Variants in DLG2 observed in about 807,000 individuals in gnomAD.
The protein encoded by DLG2 is disks large homolog 2.
In DLG2, 45 loss-of-function variants were observed where a neutral mutation model predicts 132.5. The ratio of observed to expected loss-of-function variants is 0.34; its 90% CI spans 0.27 to 0.44. The LOEUF is 0.44. Ranked by LOEUF, DLG2 falls within the 20% of genes least tolerant of loss-of-function variation. The pLI is 1.00. For synonymous variants in DLG2, 424 were observed against 419.6 expected, an observed-to-expected ratio of 1.01 and a Z score of -0.13; for missense variants, 1,045 against 1,196.9, an observed-to-expected ratio of 0.87 and a Z score of 1.87.
intron 7 of DLG2, among the ~76,000 whole-genome samples, chr11:84,314,645 C>A (rs1341922908): frequency 6.6e-6 from 1 of 151,816 alleles, no homozygotes; most frequent in Non-Finnish European, 1.5e-5. Context: ...GAAGAACAAG[C>A]TGATATACTC....
intron 6 of DLG2, among the ~76,000 whole-genome samples, chr11:84,570,173 G>A (rs958077357): frequency 1.3e-5 from 2 of 152,132 alleles, no homozygotes; most frequent in Non-Finnish European, 2.9e-5. Context: ...ATAACTCTCA[G>A]TCTCTAAATA....
chr11:84,355,968 T>C (rs188587008), intron 7 of DLG2, among the ~76,000 whole-genome samples: 44 of 152,202 alleles, frequency 2.9e-4, no homozygotes, highest in African/African-American at 1.1e-3. Context: ...GAAAACTAGA[T>C]TGTCAATACT....
intron 6 of DLG2, among the ~76,000 whole-genome samples, chr11:85,002,152 A>C (rs184392650): frequency 6.6e-6 from 1 of 152,124 alleles, no homozygotes; most frequent in South Asian, 2.1e-4. Flanking sequence ...CCTGGGATAC[A>C]CAGGTGTGAT....
In DLG2 at chr11:85,535,724, A is replaced by C. The variant is rs115580998; in HGVS notation, c.40+62933T>G. Among the ~76,000 whole-genome samples the C allele has an allele frequency of 4.3e-3, 649 of 152,354 alleles. 4 individuals carry two copies. The highest frequency in any genetic ancestry group is 0.015 in the African/African-American group (635 of 41,586). On this transcript the variant is annotated intron_variant, in intron 3 of 27. Coordinates refer to ENST00000376104, the MANE Select transcript of DLG2 (RefSeq NM_001142699.3). ...TTATTCAAAATAGCCAAAATACGGG[A>C]ATAACCCAAATATCCAACAATCAAC...
At chr11:85,210,811 A>G (rs1208123461) in intron 4 of DLG2, among the ~76,000 whole-genome samples, 1 of 152,136 alleles carries the variant, frequency 6.6e-6, no homozygotes, top group Non-Finnish European at 1.5e-5. Flanking sequence ...AACTTCTTTA[A>G]AACTGCTACA....
intron 5 of DLG2, among the ~76,000 whole-genome samples, chr11:85,141,303 A>G (rs115142917): frequency 7.8e-4 from 119 of 151,848 alleles, no homozygotes; most frequent in African/African-American, 2.7e-3. Context: ...TTTGATTTGC[A>G]TTTCTTGATG....
intron 7 of DLG2, among the ~76,000 whole-genome samples, chr11:84,349,122 A>G (rs1273883858): frequency 2.6e-5 from 4 of 152,220 alleles, no homozygotes; most frequent in Non-Finnish European, 4.4e-5. Flanking sequence ...TAACTTTTTG[A>G]CAACCTCAAG....
intron 22 of DLG2, among the ~76,000 whole-genome samples, chr11:83,477,072 C>G (rs999986143): frequency 6.6e-6 from 1 of 152,068 alleles, no homozygotes; most frequent in Non-Finnish European, 1.5e-5. Flanking sequence ...GAAAATCCTA[C>G]TTAACTGGTG....
At chr11:83,613,537 C>T (rs1407875014) in intron 19 of DLG2, among the ~76,000 whole-genome samples, 1 of 152,134 alleles carries the variant, frequency 6.6e-6, no homozygotes, top group Non-Finnish European at 1.5e-5. Context: ...ACAGGGGGTT[C>T]TATTTTTGCT....
At chr11:84,661,716 A>AGGG (rs1242440467) in intron 6 of DLG2, among the ~76,000 whole-genome samples, 1 of 152,102 alleles carries the variant, frequency 6.6e-6, no homozygotes, top group East Asian at 1.9e-4. Flanking sequence ...AATGGTGTTG[A>AGGG]GGGAGGGAGA....
intron 6 of DLG2, among the ~76,000 whole-genome samples, chr11:84,647,544 A>T (rs187122658): frequency 6.6e-6 from 1 of 152,344 alleles, no homozygotes; most frequent in Admixed American, 6.5e-5. Context: ...AAATTTTCCA[A>T]GATTAATTCC....
At chr11:83,958,614 T>C (rs1416713799) in intron 14 of DLG2, among the ~76,000 whole-genome samples, 1 of 152,172 alleles carries the variant, frequency 6.6e-6, no homozygotes, top group African/African-American at 2.4e-5. Context: ...TTACCAATTT[T>C]TTTGTTTCAT....
At chr11:83,671,003 C>T (rs886482794) in intron 18 of DLG2, among the ~76,000 whole-genome samples, 2 of 152,092 alleles carry the variant, frequency 1.3e-5, no homozygotes, top group African/African-American at 4.8e-5. Flanking sequence ...TCTGTGTACA[C>T]GTACATTTCT....
chr11:84,692,901 T>C (rs1296979928), intron 6 of DLG2, among the ~76,000 whole-genome samples: 1 of 151,836 alleles, frequency 6.6e-6, no homozygotes, highest in Non-Finnish European at 1.5e-5. Context: ...AGAATTACCA[T>C]ATTTAATTTT....
Position 84,452,168 on chromosome 11 carries a change from AAAGG to A in DLG2, c.519+82398_519+82401del, listed in dbSNP as rs556912441. The stretch of plus-strand genomic sequence containing the variant: ...GGAGATGAGGAAGAGGAGGAGGAGA[AAAGG>A]AAGAGGAAGAGGAGGAGGAGGACGA... On this transcript the variant is annotated intron_variant, in intron 7 of 27. Transcript: ENST00000376104. 1.5e-3 allele frequency among the ~76,000 whole-genome samples: 222 copies of A among 151,612 alleles called. 1 individual carries two copies. The highest frequency in any genetic ancestry group is 2.5e-3 in the Non-Finnish European group (167 of 67,712).
At chr11:84,613,649 A>G (rs1202158107) in intron 6 of DLG2, among the ~76,000 whole-genome samples, 1 of 152,204 alleles carries the variant, frequency 6.6e-6, no homozygotes, top group Non-Finnish European at 1.5e-5. Flanking sequence ...TTTACTAAAT[A>G]CCACAGATAC....
intron 4 of DLG2, among the ~76,000 whole-genome samples, chr11:85,192,144 T>C (rs1021878345): frequency 6.6e-6 from 1 of 152,156 alleles, no homozygotes; most frequent in Non-Finnish European, 1.5e-5. Flanking sequence ...AGACTTAGGG[T>C]TATATCCCAT....
chr11:83,606,870 T>G (rs2059416724), intron 19 of DLG2, among the ~76,000 whole-genome samples: 2 of 151,690 alleles, frequency 1.3e-5, no homozygotes, highest in African/African-American at 2.4e-5. Flanking sequence ...GAGCTTGCAG[T>G]GAGCAGAGAT....
chr11:84,982,377 G>A (rs79405930), intron 6 of DLG2, among the ~76,000 whole-genome samples: 9 of 151,952 alleles, frequency 5.9e-5, no homozygotes, highest in South Asian at 4.2e-4. Context: ...CTTACAAAGC[G>A]GATGATATCT....
Sources: gnomAD v4.1 joint callset for allele counts (sites outside exome capture counted in the v4.1 genomes callset) on GRCh38, gnomAD v4.1.1 for gene constraint, MANE v1.5 for transcripts, NCBI Gene and HGNC (gene_info 2026-07-23, HGNC 2026-07-21) for gene names.